The following ZPBP variants were observed in gnomAD, a reference collection of about 807,000 sequenced individuals.
ZPBP encodes the protein zona pellucida-binding protein 1.
A neutral mutation model predicts 44.8 loss-of-function variants in ZPBP; 26 were observed. The ratio of observed to expected loss-of-function variants is 0.58; its 90% CI spans 0.43 to 0.81. The LOEUF (loss-of-function observed/expected upper bound fraction) is 0.81, where lower values mean the gene tolerates loss of function less well. Among genes scored for constraint, ZPBP ranks in the 30% least tolerant of loss-of-function variants. The pLI is 0.00. For missense variants in ZPBP, 409 were observed against 434.0 expected (o/e 0.94, Z 0.51); for synonymous variants, 174 against 153.2 (o/e 1.14, Z -1.00).
chr7:50,062,795 C>A (rs1406399316), intron 3 of ZPBP, among the ~76,000 whole-genome samples: 3 of 150,794 alleles, frequency 2.0e-5, no homozygotes, highest in African/African-American at 7.5e-5. Context: ...AAAATACCTT[C>A]TCTTAATAAC....
At chr7:49,898,455 C>T (rs1040766814) in intron 2 of ZPBP, among the ~76,000 whole-genome samples, 1 of 152,046 alleles carries the variant, frequency 6.6e-6, no homozygotes, top group Non-Finnish European at 1.5e-5. Flanking sequence ...CTACTAACCA[C>T]AAATCCCTCA....
chr7:49,883,033 C>A (rs1409535267), intron 2 of ZPBP, among the ~76,000 whole-genome samples: 1 of 152,076 alleles, frequency 6.6e-6, no homozygotes, highest in East Asian at 1.9e-4. Flanking sequence ...AACATTCCCT[C>A]TTCCTCCCTG....
Position 49,877,503 on chromosome 7 carries a change from T to A in ZPBP, n.509+23615A>T, listed in dbSNP as rs1472622023. Among the ~76,000 whole-genome samples the A allele has an allele frequency of 2.6e-3, 244 of 93,700 alleles. 34 individuals are homozygous for A. Among genetic ancestry groups the A allele is most frequent in the Middle Eastern group, 5.0e-3 (1 of 202 alleles). 61.5% of individuals were successfully genotyped at this position (93,700 alleles called of 152,430 possible). Reference sequence around the variant, plus strand: ...AAAAATATATATATATATATATATATATATATATATATATAGTTATTTGGT... The same window carrying A: ...AAAAATATATATATATATATATATAAATATATATATATATAGTTATTTGGT... On this transcript the variant is annotated intron_variant and non_coding_transcript_variant, in intron 2 of 2. Coordinates refer to the ZPBP transcript ENST00000465922.
At chr7:49,926,491 C>T (rs962808395) in intron 1 of ZPBP, among the ~76,000 whole-genome samples, 5 of 152,188 alleles carry the variant, frequency 3.3e-5, no homozygotes, top group Non-Finnish European at 5.9e-5. Context: ...AGTTGTCAGC[C>T]AATTTTGCTG....
Position 49,982,191 on chromosome 7 carries a change from T to C in ZPBP, c.961+1151A>G, listed in dbSNP as rs1268404590. On this transcript the variant is annotated intron_variant, in intron 7 of 7. Coordinates refer to ENST00000046087, the MANE Select transcript of ZPBP (RefSeq NM_007009.3). Reference sequence around the variant, plus strand: ...ATTATATATATATAATTTATTATTATATATATTTATTATATATATATATAA... The same window carrying C: ...ATTATATATATATAATTTATTATTACATATATTTATTATATATATATATAA... 1.7e-4 allele frequency among the ~76,000 whole-genome samples: 9 copies of C among 53,848 alleles called. 1 individual carries two copies. The highest frequency in any genetic ancestry group is 2.5e-4 in the Non-Finnish European group (8 of 31,540). The allele number at this position is 53,848 out of a possible 152,430, so 35.3% of individuals were successfully genotyped here.
chr7:49,985,537 A>T (rs1797224529), intron 6 of ZPBP, among the ~76,000 whole-genome samples: 2 of 151,960 alleles, frequency 1.3e-5, no homozygotes, highest in Admixed American at 6.6e-5. Context: ...TATGAAATTA[A>T]TTGCATTTAA....
intron 2 of ZPBP, among the ~76,000 whole-genome samples, chr7:50,086,916 C>T (rs1802687073): frequency 6.6e-6 from 1 of 151,970 alleles, no homozygotes; most frequent in South Asian, 2.1e-4. Context: ...AATCCATAAA[C>T]AAGGAGATAA....
At chr7:49,941,266 T>C (rs912672981) in intron 7 of ZPBP, among the ~76,000 whole-genome samples, 4 of 152,286 alleles carry the variant, frequency 2.6e-5, no homozygotes, top group Non-Finnish European at 2.9e-5. Context: ...AATTACCATG[T>C]GATCAGTTAA....
At chr7:49,970,832 T>C (rs1323868708) in intron 7 of ZPBP, among the ~76,000 whole-genome samples, 1 of 150,696 alleles carries the variant, frequency 6.6e-6, no homozygotes, top group Non-Finnish European at 1.5e-5. Context: ...CTGGGCAATA[T>C]AGTGAGATCC....
At chr7:50,077,196 A>T (rs1802139505) in intron 3 of ZPBP, among the ~76,000 whole-genome samples, 1 of 151,954 alleles carries the variant, frequency 6.6e-6, no homozygotes, top group Non-Finnish European at 1.5e-5. Context: ...GGATATCCAT[A>T]TGCAGAAGAA....
At chr7:49,899,409 C>T (rs900672171) in intron 2 of ZPBP, among the ~76,000 whole-genome samples, 1 of 151,928 alleles carries the variant, frequency 6.6e-6, no homozygotes, top group Non-Finnish European at 1.5e-5. Context: ...CCATGGGTAA[C>T]TGAAACCATG....
chr7:49,917,225 G>A (rs1793771504), intron 1 of ZPBP: 1 of 152,076 alleles, frequency 6.6e-6, no homozygotes, highest in African/African-American at 2.4e-5. Flanking sequence ...CCATTTAAAA[G>A]TGATGGTTGT....
At chr7:49,970,506 T>C (rs1796256947) in intron 7 of ZPBP, among the ~76,000 whole-genome samples, 1 of 66,658 alleles carries the variant, frequency 1.5e-5, no homozygotes, top group Admixed American at 1.9e-4. Context: ...TTTTTTTTTT[T>C]TTTTTTTTGT....
intron 6 of ZPBP, among the ~76,000 whole-genome samples, chr7:50,005,823 A>ATGTGTG (rs71018444): frequency 0.025 from 3,690 of 144,828 alleles, 125 homozygotes; most frequent in African/African-American, 0.072. Context: ...ATAACTATAT[A>ATGTGTG]TGTGTGTGTG....
At chr7:49,978,469 A>C (rs12667865) in intron 7 of ZPBP, among the ~76,000 whole-genome samples, 28,564 of 152,028 alleles carry the variant, frequency 0.19, 3,766 homozygotes, top group East Asian at 0.63. Flanking sequence ...CTAATTTATA[A>C]GGAAACAAGC....
chr7:50,028,175 T>C (rs1799422567), intron 5 of ZPBP, among the ~76,000 whole-genome samples: 1 of 151,830 alleles, frequency 6.6e-6, no homozygotes, highest in African/African-American at 2.4e-5. Context: ...AGCAGTATGG[T>C]AAAGAATACA....
intron 3 of ZPBP, among the ~76,000 whole-genome samples, chr7:50,062,581 T>TC (rs1333876098): frequency 1.3e-5 from 2 of 152,080 alleles, no homozygotes; most frequent in African/African-American, 2.4e-5. Context: ...GAGAAATAAG[T>TC]CCCTATTCAA....
intron 2 of ZPBP, among the ~76,000 whole-genome samples, chr7:49,892,856 T>A (rs975833783): frequency 6.6e-6 from 1 of 152,230 alleles, no homozygotes; most frequent in African/African-American, 2.4e-5. Context: ...TATGGTCAAG[T>A]GAATTTAGAA....
chr7:49,869,155 T>TA (rs1791031654), intron 2 of ZPBP, among the ~76,000 whole-genome samples: 1 of 152,166 alleles, frequency 6.6e-6, no homozygotes, highest in Admixed American at 6.5e-5. Context: ...AACACTACAG[T>TA]AAGGTTGAGG....
Sources: allele counts gnomAD v4.1 joint callset (sites outside exome capture counted in the v4.1 genomes callset), GRCh38; gene constraint gnomAD v4.1.1; transcripts MANE v1.5; gene names NCBI Gene and HGNC (gene_info 2026-07-23, HGNC 2026-07-21).